Variants in MIPOL1 observed in about 807,000 individuals in gnomAD.
The protein encoded by MIPOL1 is mirror-image polydactyly 1.
MIPOL1 carries 57 observed loss-of-function variants against 60.9 expected under a neutral mutation model. The observed-to-expected ratio is 0.94, with a 90% confidence interval of 0.76 to 1.17. The LOEUF (loss-of-function observed/expected upper bound fraction) is 1.17. Ranked by LOEUF, MIPOL1 falls within the 50% of genes most tolerant of loss-of-function variation. The probability of loss-of-function intolerance (pLI) is 0.00; values close to 1 mark genes in which losing one functional copy is unlikely to be tolerated. For missense variants in MIPOL1, 551 were observed against 511.6 expected (o/e 1.08, Z -0.74); for synonymous variants, 179 against 168.8 (o/e 1.06, Z -0.47).
chr14:37,305,093 T>C (rs1025231055), intron 7 of MIPOL1, among the ~76,000 whole-genome samples: 4 of 151,860 alleles, frequency 2.6e-5, no homozygotes, highest in African/African-American at 9.7e-5. Context: ...ATTAAAGCCA[T>C]GTATAGCTGT....
intron 9 of MIPOL1, among the ~76,000 whole-genome samples, chr14:37,347,150 A>G (rs886916219): frequency 2.6e-5 from 4 of 152,334 alleles, no homozygotes; most frequent in Non-Finnish European, 4.4e-5. Flanking sequence ...TATATGCCAC[A>G]TAAAAAATCC....
chr14:37,458,338 C>G (rs2094500010), intron 11 of MIPOL1, among the ~76,000 whole-genome samples: 1 of 152,172 alleles, frequency 6.6e-6, no homozygotes, highest in South Asian at 2.1e-4. Flanking sequence ...ATTCTCAGAA[C>G]ATTCTATCCA....
intron 9 of MIPOL1, among the ~76,000 whole-genome samples, chr14:37,315,281 G>A (rs1210344967): frequency 6.6e-6 from 1 of 152,164 alleles, no homozygotes; most frequent in Non-Finnish European, 1.5e-5. Flanking sequence ...TTTTTAAAGT[G>A]TCAAATCAAA....
At chr14:37,204,608 C>A (rs1723965694) in intron 1 of MIPOL1, among the ~76,000 whole-genome samples, 1 of 152,096 alleles carries the variant, frequency 6.6e-6, no homozygotes, top group East Asian at 1.9e-4. Context: ...GTGCCTTTCA[C>A]CTTTCACGAT....
chr14:37,355,472 A>T (rs1179647719), intron 9 of MIPOL1, among the ~76,000 whole-genome samples: 1 of 151,296 alleles, frequency 6.6e-6, no homozygotes, highest in Non-Finnish European at 1.5e-5. Flanking sequence ...AGATTAGGGA[A>T]GTTCTCCTGG....
intron 11 of MIPOL1, among the ~76,000 whole-genome samples, chr14:37,424,482 G>A (rs1480581623): frequency 6.6e-6 from 1 of 152,128 alleles, no homozygotes; most frequent in African/African-American, 2.4e-5. Flanking sequence ...GGCAAGGAAG[G>A]ACTCTCCTTT....
intron 1 of MIPOL1, among the ~76,000 whole-genome samples, chr14:37,224,216 A>G (rs1020987840): frequency 1.3e-5 from 2 of 152,162 alleles, no homozygotes; most frequent in Non-Finnish European, 2.9e-5. Context: ...GTGGTGGCTC[A>G]TGTCTGTAAT....
intron 11 of MIPOL1, among the ~76,000 whole-genome samples, chr14:37,493,430 C>T (rs1185967497): frequency 1.3e-5 from 2 of 151,942 alleles, no homozygotes; most frequent in Non-Finnish European, 2.9e-5. Flanking sequence ...AAGTAATAGA[C>T]CAGGGAACGT....
Position 37,450,335 on chromosome 14 carries a change from A to G in MIPOL1, c.1031+27386A>G, listed in dbSNP as rs369529433. ...CTGTGTCTCAGATTCTGTATCTTCTATCTTGCTTTATTTCCTCTTCAAGTA... is the reference window on the plus strand; with the variant it reads ...CTGTGTCTCAGATTCTGTATCTTCTGTCTTGCTTTATTTCCTCTTCAAGTA... On this transcript the variant is annotated intron_variant, in intron 11 of 12. Transcript: ENST00000684589. 7.2e-5 allele frequency among the ~76,000 whole-genome samples: 11 copies of G among 152,182 alleles called. No individual in the cohort carries two copies. The South Asian group carries it at 2.3e-3, about 32-fold the overall frequency.
intron 10 of MIPOL1, among the ~76,000 whole-genome samples, chr14:37,383,043 C>T (rs1345478007): frequency 6.6e-6 from 1 of 151,698 alleles, no homozygotes; most frequent in African/African-American, 2.4e-5. Context: ...ATGTCACCCT[C>T]TTGGAGTTTT....
intron 1 of MIPOL1, chr14:37,227,822 A>G (rs1232411100): frequency 6.6e-6 from 1 of 152,230 alleles, no homozygotes; most frequent in African/African-American, 2.4e-5. Context: ...AAAGGAGCTC[A>G]TAGAATGCCT....
intron 3 of MIPOL1, 145 bp from the exon 4 acceptor site, chr14:37,266,793 G>A: frequency 1.5e-6 from 1 of 646,928 alleles, no homozygotes. Flanking sequence ...TTATCCCAAT[G>A]CTTATCTGAT....
intron 11 of MIPOL1, among the ~76,000 whole-genome samples, chr14:37,437,922 CT>C (rs1330082292): frequency 6.6e-6 from 1 of 151,734 alleles, no homozygotes; most frequent in African/African-American, 2.4e-5. Context: ...ACATTTATAA[CT>C]TTTTTTTAGC....
intron 12 of MIPOL1, among the ~76,000 whole-genome samples, chr14:37,539,133 C>T (rs1263704041): frequency 2.0e-5 from 3 of 151,868 alleles, no homozygotes; most frequent in Non-Finnish European, 1.5e-5. Flanking sequence ...ACCCAGGAGG[C>T]GGAGCTTGCA....
At chr14:37,445,939 C>T (rs1032066600) in intron 11 of MIPOL1, among the ~76,000 whole-genome samples, 8 of 152,262 alleles carry the variant, frequency 5.3e-5, no homozygotes, top group African/African-American at 1.7e-4. Flanking sequence ...GGATTAAAGA[C>T]TTAAACGTTA....
chr14:37,365,823 A>T (rs2092452840), intron 9 of MIPOL1, among the ~76,000 whole-genome samples: 1 of 152,042 alleles, frequency 6.6e-6, no homozygotes, highest in Admixed American at 6.6e-5. Context: ...TTCAGTAGTG[A>T]AGCCATCAGG....
intron 6 of MIPOL1, chr14:37,278,406 C>A (rs1342591230): frequency 6.6e-6 from 1 of 151,542 alleles, no homozygotes; most frequent in African/African-American, 2.4e-5. Context: ...AATTTAACAT[C>A]ATTATAAGTC....
chr14:37,550,306 G>T lies in MIPOL1; in HGVS notation c.*3335G>T, dbSNP rs1000225772. The T allele has an allele frequency of 6.6e-6, 1 of 151,134 alleles. No homozygotes were observed. Among genetic ancestry groups the T allele is most frequent in the African/African-American group, 2.4e-5 (1 of 41,326 alleles). The allele number at this position is 151,134 out of a possible 1,614,324, so 9.4% of individuals were successfully genotyped here. A position where few individuals can be genotyped will look rare whatever the true frequency, so the allele number is the denominator to read the frequency against. Reference sequence around the variant, plus strand: ...ACATTTTATATGTACTATTCTTAAAGATCACAATTATTTTTAAACTTTCTA... The same window carrying T: ...ACATTTTATATGTACTATTCTTAAATATCACAATTATTTTTAAACTTTCTA... On this transcript the variant is annotated 3_prime_UTR_variant, in exon 13 of 13. Coordinates refer to ENST00000684589, the MANE Select transcript of MIPOL1 (RefSeq NM_001388067.1).
chr14:37,502,699 C>G (rs1229771479), intron 12 of MIPOL1: 1 of 152,100 alleles, frequency 6.6e-6, no homozygotes, highest in South Asian at 2.1e-4. Context: ...TTCTAAAAAC[C>G]AGAGCACCTC....
Sources: allele counts gnomAD v4.1 joint callset (sites outside exome capture counted in the v4.1 genomes callset), GRCh38; gene constraint gnomAD v4.1.1; transcripts MANE v1.5; gene names NCBI Gene and HGNC (gene_info 2026-07-23, HGNC 2026-07-21).